Variants in PBX1 observed in about 807,000 individuals in gnomAD.
PBX1 encodes the protein PBX homeobox 1.
In PBX1, 6 loss-of-function variants were observed where a neutral mutation model predicts 53.4. The ratio of observed to expected loss-of-function variants is 0.11; its 90% confidence interval spans 0.06 to 0.22. The LOEUF is 0.22. PBX1 is among the 10% of genes least tolerant of loss of function. PBX1 has a pLI of 1.00. For synonymous variants in PBX1, 204 were observed against 212.3 expected (o/e 0.96, Z 0.34); for missense variants, 251 against 551.4 (o/e 0.46, Z 5.46).
intron 2 of PBX1, chr1:164,700,505 C>T (rs761735562): frequency 1.9e-4 from 183 of 984,498 alleles, no homozygotes; most frequent in Non-Finnish European, 2.1e-4. Context: ...TGCTACTCTT[C>T]GTAGCAAATA....
intron 2 of PBX1, among the ~76,000 whole-genome samples, chr1:164,616,141 G>A (rs1220515670): frequency 6.6e-6 from 1 of 152,212 alleles, no homozygotes; most frequent in African/African-American, 2.4e-5. Flanking sequence ...TGGCAGCTGT[G>A]TGACTCCCTG....
intron 2 of PBX1, among the ~76,000 whole-genome samples, chr1:164,592,865 CTGTGA>C (rs1161661267): frequency 6.6e-6 from 1 of 152,196 alleles, no homozygotes; most frequent in Non-Finnish European, 1.5e-5. Context: ...GAGCACTCAC[CTGTGA>C]CAGGCTGCTC....
chr1:164,871,648 A>T (rs1007101450), intron 2 of PBX1, among the ~76,000 whole-genome samples: 1 of 152,098 alleles, frequency 6.6e-6, no homozygotes, highest in Non-Finnish European at 1.5e-5. Context: ...AGTTCTCAAG[A>T]TATCTGCTGT....
chr1:164,840,665 C>T (rs189497618), intron 8 of PBX1, among the ~76,000 whole-genome samples: 76 of 152,246 alleles, frequency 5.0e-4, no homozygotes, highest in African/African-American at 1.8e-3. Flanking sequence ...CAATTGCTTT[C>T]CCTAAACGCA....
intron 2 of PBX1, among the ~76,000 whole-genome samples, chr1:164,564,194 G>A (rs1050480844): frequency 1.3e-5 from 2 of 152,094 alleles, no homozygotes; most frequent in African/African-American, 4.8e-5. Flanking sequence ...TATATAAAGC[G>A]GGAGCTTCTG....
At chr1:164,606,310 T>A (rs1656548345) in intron 2 of PBX1, among the ~76,000 whole-genome samples, 1 of 152,184 alleles carries the variant, frequency 6.6e-6, no homozygotes, top group African/African-American at 2.4e-5. Flanking sequence ...GCCAACATGA[T>A]GAAACCCCAT....
At chr1:164,807,398 G>A (rs552886042) in intron 4 of PBX1, 144 bp from the exon 5 acceptor site, 2 of 920,984 alleles carry the variant, frequency 2.2e-6, no homozygotes, top group Non-Finnish European at 3.2e-6. Flanking sequence ...GTTGGTTTTG[G>A]CATCCAGCCC....
At chr1:164,627,199 C>G (rs1371438289) in intron 2 of PBX1, among the ~76,000 whole-genome samples, 4 of 152,030 alleles carry the variant, frequency 2.6e-5, no homozygotes, top group Admixed American at 6.6e-5. Flanking sequence ...GAAAATGCCC[C>G]CTTTTTTCCT....
At chr1:164,800,343 A>G (rs1451308016) in intron 4 of PBX1, among the ~76,000 whole-genome samples, 1 of 152,172 alleles carries the variant, frequency 6.6e-6, no homozygotes, top group African/African-American at 2.4e-5. Context: ...TTCCTAAGTA[A>G]ATTGCTGTCT....
chr1:164,874,381 T>A (rs1167213228), intron 2 of PBX1, among the ~76,000 whole-genome samples: 1 of 152,194 alleles, frequency 6.6e-6, no homozygotes, highest in African/African-American at 2.4e-5. Flanking sequence ...AGATCATGTA[T>A]GTTATGATGT....
intron 2 of PBX1, among the ~76,000 whole-genome samples, chr1:164,607,278 A>G (rs958557371): frequency 4.6e-5 from 7 of 152,198 alleles, no homozygotes; most frequent in Non-Finnish European, 8.8e-5. Context: ...GAGATTAGAA[A>G]AAAATGAGCT....
chr1:164,883,884 A>G (rs1672719454), intron 2 of PBX1, among the ~76,000 whole-genome samples: 1 of 152,208 alleles, frequency 6.6e-6, no homozygotes, highest in African/African-American at 2.4e-5. Flanking sequence ...ACAATTTGCT[A>G]CAAAAAAGAG....
intron 2 of PBX1, among the ~76,000 whole-genome samples, chr1:164,671,687 T>TG (rs1463416816): frequency 2.6e-5 from 4 of 151,958 alleles, no homozygotes. Context: ...TGATTTTTTC[T>TG]GGGGGGCAGG....
rs1553255712 is a variant in PBX1, at chr1:164,870,356, T to TCTTTCTTC, written n.258-28827_258-28826insTTCCTTTC. Among the ~76,000 whole-genome samples, 584 of 80,220 alleles carry TCTTTCTTC rather than the reference T, an allele frequency of 7.3e-3. 106 individuals are homozygous for TCTTTCTTC. Among genetic ancestry groups the TCTTTCTTC allele is most frequent in the East Asian group, 0.021 (48 of 2,324 alleles). 52.6% of individuals were successfully genotyped at this position (80,220 alleles called of 152,430 possible). ...TTCTTTCTTTCTTTCTTTCTTTCTT[T>TCTTTCTTC]CTTTCGAGATGAAGTCTTGCTCTGT... On this transcript the variant is annotated intron_variant and non_coding_transcript_variant, in intron 2 of 2. Coordinates refer to the PBX1 transcript ENST00000558796.
At chr1:164,797,701 T>C (rs1048538148) in intron 3 of PBX1, among the ~76,000 whole-genome samples, 1 of 152,210 alleles carries the variant, frequency 6.6e-6, no homozygotes, top group Non-Finnish European at 1.5e-5. Flanking sequence ...TATATCCAAA[T>C]ATGCTGGGAT....
chr1:164,722,361 C>T (rs1193056301), intron 2 of PBX1, among the ~76,000 whole-genome samples: 5 of 152,152 alleles, frequency 3.3e-5, no homozygotes, highest in Admixed American at 2.6e-4. Flanking sequence ...TGCTGGACAT[C>T]TCCCTTAATT....
At chr1:164,587,744 A>G (rs1655048749) in intron 2 of PBX1, among the ~76,000 whole-genome samples, 1 of 152,180 alleles carries the variant, frequency 6.6e-6, no homozygotes, top group Non-Finnish European at 1.5e-5. Context: ...TGAGGCACAC[A>G]CAGACACAGA....
In PBX1 at chr1:164,685,718, C is replaced by T. The variant is rs960693688; in HGVS notation, c.266-106776C>T. On this transcript the variant is annotated intron_variant, in intron 2 of 8. Coordinates refer to ENST00000420696, the MANE Select transcript of PBX1 (RefSeq NM_002585.4). ...TTGAAACAGAGGGTAGGCATTTCCC[C>T]TTTTTCAGAAGGGAAAAGTGAGAAT... Among the ~76,000 whole-genome samples the T allele has an allele frequency of 3.3e-5, 5 of 152,294 alleles. No homozygotes were observed. The Middle Eastern group carries it at 0.01, about 311-fold the overall frequency.
In PBX1 at chr1:164,878,599, T is replaced by C. The variant is rs1672570553; in HGVS notation, n.258-20589T>C. Among the ~76,000 whole-genome samples, 2 of 152,132 alleles carry C rather than the reference T, an allele frequency of 1.3e-5. 1 individual carries two copies. Among genetic ancestry groups the C allele is most frequent in the South Asian group, 4.1e-4 (2 of 4,822 alleles). ...GGCAGTCTGGCTCAAGGCTGTCATT[T>C]CCATTATGATCTGGCTACATTTCAA... On this transcript the variant is annotated intron_variant and non_coding_transcript_variant, in intron 2 of 2. Coordinates refer to the PBX1 transcript ENST00000558796.
Sources: allele counts gnomAD v4.1 joint callset (sites outside exome capture counted in the v4.1 genomes callset), GRCh38; gene constraint gnomAD v4.1.1; transcripts MANE v1.5; gene names NCBI Gene and HGNC (gene_info 2026-07-23, HGNC 2026-07-21).